STARD8: variants seen among roughly 807,000 people sequenced by gnomAD.
STARD8 encodes StAR related lipid transfer domain containing 8, also known as stAR-related lipid transfer protein 8.
A neutral mutation model predicts 69.4 loss-of-function variants in STARD8; 25 were observed. The observed-to-expected ratio is 0.36, with a 90% CI of 0.26 to 0.50. The LOEUF is 0.50. STARD8 is among the 20% of genes least tolerant of loss of function. The pLI, the probability that STARD8 is intolerant of heterozygous loss-of-function variation, is 0.96. For missense variants in STARD8, 921 were observed against 932.5 expected (o/e 0.99, Z 0.16); for synonymous variants, 389 against 374.6 (o/e 1.04, Z -0.45).
chrX:68,647,667 G>A lies in STARD8; in HGVS notation c.-216G>A, dbSNP rs1020892336. On this transcript the variant is annotated 5_prime_UTR_variant, in exon 1 of 15. The change creates a new upstream start codon in the 5' untranslated region. Transcript: ENST00000374599. ...CCTCCCTCCTTTTTTCCCTCCCTCG[G>A]TGGCCTTCCAGGAGGCGGGAGGCGC... The A allele has an allele frequency of 3.0e-5, 13 of 431,460 alleles. No homozygotes were observed. Among genetic ancestry groups the A allele is most frequent in the African/African-American group, 2.6e-4 (10 of 39,081 alleles). The allele number at this position is 431,460 out of a possible 1,213,427, so 35.6% of individuals were successfully genotyped here. A position where few individuals can be genotyped will look rare whatever the true frequency, so the allele number is the denominator to read the frequency against.
chrX:68,677,454 C>A (rs2079772606), intron 2 of STARD8, among the ~76,000 whole-genome samples: 1 of 111,649 alleles, frequency 9.0e-6, no homozygotes, highest in South Asian at 3.8e-4. Context: ...AACTTGGCCC[C>A]TCGAGGGCTG....
Position 68,717,655 on chromosome X carries a change from T to TCAGAC in STARD8, c.741_742insCAGAC (p.Cys248GlnfsTer122). The TCAGAC allele has an allele frequency of 8.3e-7, 1 of 1,212,054 alleles. No homozygotes were observed. Among genetic ancestry groups the TCAGAC allele is most frequent in the Non-Finnish European group, 1.1e-6 (1 of 895,580 alleles). On this transcript the variant is annotated frameshift_variant, in exon 6 of 15. Transcript: ENST00000374599. LOFTEE classifies it high-confidence loss of function. ...TCTCCAAAGCCTCATCTTTCCGCAGTTGTCGTGGCTTCCTCTCAGCTGGAT... is the reference window on the plus strand; with the variant it reads ...TCTCCAAAGCCTCATCTTTCCGCAGTCAGACTGTCGTGGCTTCCTCTCAGCTGGAT...
At chrX:68,724,281 G>A in intron 14 of STARD8, 24 bp from the exon 15 acceptor site, 1 of 1,201,685 alleles carries the variant, frequency 8.3e-7, no homozygotes, top group Non-Finnish European at 1.1e-6. Flanking sequence ...CATTGCTCAT[G>A]CCTGGTTTCT....
Position 68,670,833 on chromosome X carries a change from C to T in STARD8, c.79+5301C>T, listed in dbSNP as rs191545952. On this transcript the variant is annotated intron_variant, in intron 2 of 14. Transcript: ENST00000374599. ...CACCCAGCCACTCCAGCAAGAGTCA[C>T]GGGCGTTACCTGGACTCCATTTTTC... Among the ~76,000 whole-genome samples the T allele has an allele frequency of 2.8e-3, 315 of 111,786 alleles. 2 individuals are homozygous for T. The highest frequency in any genetic ancestry group is 8.7e-3 in the African/African-American group (268 of 30,752).
chrX:68,702,593 C>A (rs918325666), intron 2 of STARD8, among the ~76,000 whole-genome samples: 30 of 111,813 alleles, frequency 2.7e-4, no homozygotes, highest in African/African-American at 9.8e-4. Context: ...AATTTCTTTT[C>A]TTTAATGAGG....
At chrX:68,676,346 C>T (rs1352423331) in intron 2 of STARD8, among the ~76,000 whole-genome samples, 2 of 111,949 alleles carry the variant, frequency 1.8e-5, no homozygotes, top group Non-Finnish European at 3.8e-5. Flanking sequence ...GTTTCCCAAG[C>T]CCTGGGATCC....
chrX:68,664,586 T>A (rs2079671463), intron 1 of STARD8, among the ~76,000 whole-genome samples: 1 of 112,067 alleles, frequency 8.9e-6, no homozygotes, highest in South Asian at 3.7e-4. Context: ...GCCATCTGGG[T>A]CTCTGCTCAA....
chrX:68,701,325 T>C (rs1412755930), intron 2 of STARD8, among the ~76,000 whole-genome samples: 3 of 113,180 alleles, frequency 2.7e-5, no homozygotes, highest in Middle Eastern at 4.6e-3. Flanking sequence ...CAAGGTCACA[T>C]ATCCGGGGAG....
chrX:68,720,311 G>A lies in STARD8; in HGVS notation c.1937G>A (p.Gly646Glu), dbSNP rs762226795. ...MRRNKTPDYRGQHVFGVPPLI... is the reference protein window; with the variant it reads ...MRRNKTPDYREQHVFGVPPLI... The stretch of plus-strand genomic sequence containing the variant: ...AGGAACAAGACCCCAGATTACCGGG[G>A]ACAGCACGTATTTGGGGTGCCACCC... The change falls in exon 8 of 15, where the codon GGA (glycine) becomes GAA (glutamate). Residue 646 changes from glycine to glutamate, a missense_variant. Transcript: ENST00000374599. 2 of 1,207,804 alleles carry A rather than the reference G, an allele frequency of 1.7e-6. No homozygotes were observed. Among genetic ancestry groups the A allele is most frequent in the Non-Finnish European group, 2.2e-6 (2 of 893,347 alleles).
chrX:68,686,497 G>A (rs2079833608), intron 2 of STARD8, among the ~76,000 whole-genome samples: 1 of 112,606 alleles, frequency 8.9e-6, no homozygotes, highest in Admixed American at 9.3e-5. Context: ...CCACGGACGT[G>A]GACTCCGTGG....
intron 1 of STARD8, among the ~76,000 whole-genome samples, chrX:68,653,721 C>T (rs922522268): frequency 1.0e-5 from 1 of 97,898 alleles, no homozygotes; most frequent in Admixed American, 1.1e-4. Context: ...ACACACACCA[C>T]ACCACACACA....
At chrX:68,717,041 G>T (rs913101109) in intron 5 of STARD8, among the ~76,000 whole-genome samples, 171 bp from the exon 6 acceptor site, 5 of 111,473 alleles carry the variant, frequency 4.5e-5, no homozygotes, top group Non-Finnish European at 9.4e-5. Flanking sequence ...GTGACTGCTG[G>T]CTTCCTCTGG....
At chrX:68,653,252 T>C (rs751090806) in intron 1 of STARD8, among the ~76,000 whole-genome samples, 1,671 of 7,862 alleles carry the variant, frequency 0.21, no homozygotes, top group Middle Eastern at 0.25. Context: ...ACACCACACA[T>C]ACACCACACA....
At chrX:68,689,893 A>G (rs12011016) in intron 2 of STARD8, among the ~76,000 whole-genome samples, 2 of 105,525 alleles carry the variant, frequency 1.9e-5, no homozygotes, top group African/African-American at 7.0e-5. Context: ...ACCTTTTCAA[A>G]CCCCTCCCCA....
In STARD8 at chrX:68,722,478, C is replaced by T. The variant is rs2080159449; in HGVS notation, c.2631C>T (p.Ser877=). 3.3e-6 allele frequency: 4 copies of T among 1,209,866 alleles called. No homozygotes were observed. The South Asian group carries it at 5.3e-5, about 16-fold the overall frequency. ...GCTCCTACAGCGCAGCTGAGCTCAG[C>T]CCTCCCGGCCCAGCCCTGGCTGAGC... ...LCSSYSAAEL[S]PPGPALAELR... is the part of the protein sequence containing the mutation. Residue 877 remains serine, a synonymous_variant, in exon 12 of 15, where the codon AGC becomes AGT. Coordinates refer to ENST00000374599, the MANE Select transcript of STARD8 (RefSeq NM_001142503.3).
intron 2 of STARD8, among the ~76,000 whole-genome samples, chrX:68,681,151 C>A (rs1190502400): frequency 9.0e-6 from 1 of 111,476 alleles, no homozygotes; most frequent in Admixed American, 9.5e-5. Flanking sequence ...AGGAATTATC[C>A]TTCCCATTTT....
intron 2 of STARD8, among the ~76,000 whole-genome samples, chrX:68,682,525 T>C (rs1372626133): frequency 8.9e-6 from 1 of 112,316 alleles, no homozygotes; most frequent in Non-Finnish European, 1.9e-5. Flanking sequence ...TCATAGGAGA[T>C]ACTGTACTAA....
chrX:68,660,670 GGC>G (rs1319855701), intron 1 of STARD8, among the ~76,000 whole-genome samples: 1 of 112,326 alleles, frequency 8.9e-6, no homozygotes, highest in Non-Finnish European at 1.9e-5. Context: ...GCGACAACCT[GGC>G]TCAAAACAGC....
intron 2 of STARD8, among the ~76,000 whole-genome samples, chrX:68,688,362 C>T (rs1429465017): frequency 9.0e-6 from 1 of 110,948 alleles, no homozygotes; most frequent in East Asian, 2.9e-4. Context: ...CCCTAGAGAC[C>T]CCTCTTCACA....
Sources: gnomAD v4.1 joint callset for allele counts (sites outside exome capture counted in the v4.1 genomes callset) on GRCh38, gnomAD v4.1.1 for gene constraint, MANE v1.5 for transcripts, NCBI Gene and HGNC (gene_info 2026-07-23, HGNC 2026-07-21) for gene names.